Variants in COG5 observed in about 807,000 individuals in gnomAD.
COG5 encodes component of oligomeric golgi complex 5, also known as conserved oligomeric Golgi complex subunit 5.
Under a neutral mutation model 110.4 loss-of-function variants are expected in COG5, and 86 were observed. That is an observed-to-expected ratio of 0.78 (90% CI 0.65 to 0.93). COG5 has a LOEUF of 0.93. Ranked by LOEUF, COG5 falls within the 40% of genes least tolerant of loss-of-function variation. The pLI is 0.00. For missense variants in COG5, 1,077 were observed against 987.0 expected (o/e 1.09, Z -1.22); for synonymous variants, 360 against 334.6 (o/e 1.08, Z -0.83).
chr7:107,544,601 C>T (rs1021140044), intron 5 of COG5, among the ~76,000 whole-genome samples: 7 of 152,156 alleles, frequency 4.6e-5, no homozygotes, highest in Non-Finnish European at 8.8e-5. Flanking sequence ...AGTAAGCCTG[C>T]CCACAGACCA....
In COG5 at chr7:107,453,529, G is replaced by A. The variant is rs559103283; in HGVS notation, c.539-40897C>T. On this transcript the variant is annotated intron_variant, in intron 6 of 21. Transcript: ENST00000297135. ...CTATAAATTAAGAATCTTCTATAAC[G>A]AGGAAGAACAGTCAAAATCTAAATG... Among the ~76,000 whole-genome samples the A allele has an allele frequency of 2.6e-5, 4 of 152,216 alleles. No individual in the cohort carries two copies. In the East Asian group the frequency reaches 5.8e-4, roughly 22 times the overall value.
rs530323655 is a variant in COG5, at chr7:107,414,703, C to CTTTTTTTTTTT, written c.539-2082_539-2072dup. ...ATTGATTCCAAAATCCTCACTGTCC[C>CTTTTTTTTTTT]TTTTTTTTTTTTTTTTTTTTTTTTT... On this transcript the variant is annotated intron_variant, in intron 6 of 21. Transcript: ENST00000297135. Among the ~76,000 whole-genome samples, 29 of 61,714 alleles carry CTTTTTTTTTTT rather than the reference C, an allele frequency of 4.7e-4. 8 individuals are homozygous for CTTTTTTTTTTT. The highest frequency in any genetic ancestry group is 9.5e-4 in the Non-Finnish European group (25 of 26,226). 40.5% of individuals were successfully genotyped at this position (61,714 alleles called of 152,430 possible). A position where few individuals can be genotyped will look rare whatever the true frequency, so the allele number is the denominator to read the frequency against.
At chr7:107,315,977 A>G (rs1399277434) in intron 11 of COG5, among the ~76,000 whole-genome samples, 2 of 152,212 alleles carry the variant, frequency 1.3e-5, no homozygotes, top group Non-Finnish European at 2.9e-5. Flanking sequence ...CCCATAAGAT[A>G]AGAACTGAAA....
intron 6 of COG5, among the ~76,000 whole-genome samples, chr7:107,460,918 AATCTATT>A (rs548581393): frequency 7.0e-4 from 106 of 152,190 alleles, no homozygotes; most frequent in South Asian, 1.2e-3. Context: ...AGAAAATATG[AATCTATT>A]ATCTATTAAA....
At chr7:107,526,664 A>C (rs991789861) in intron 6 of COG5, among the ~76,000 whole-genome samples, 1 of 152,226 alleles carries the variant, frequency 6.6e-6, no homozygotes, top group Non-Finnish European at 1.5e-5. Flanking sequence ...GTGAATCAAT[A>C]AACAAACTGC....
At chr7:107,469,669 G>A (rs757505241) in intron 6 of COG5, among the ~76,000 whole-genome samples, 11 of 152,054 alleles carry the variant, frequency 7.2e-5, no homozygotes, top group Non-Finnish European at 1.6e-4. Flanking sequence ...GTAGAACAAA[G>A]AATCTCAATC....
At chr7:107,544,864 C>T (rs902974764) in intron 5 of COG5, among the ~76,000 whole-genome samples, 2 of 152,120 alleles carry the variant, frequency 1.3e-5, no homozygotes, top group Non-Finnish European at 2.9e-5. Flanking sequence ...AACTACAAGA[C>T]AATACAACTA....
At chr7:107,511,018 A>T (rs1799461729) in intron 6 of COG5, among the ~76,000 whole-genome samples, 1 of 151,548 alleles carries the variant, frequency 6.6e-6, no homozygotes, top group African/African-American at 2.4e-5. Flanking sequence ...TTCAAAAGCT[A>T]GCAGAAGGCA....
chr7:107,297,260 A>AT (rs1432435841), intron 12 of COG5, among the ~76,000 whole-genome samples: 4 of 152,110 alleles, frequency 2.6e-5, no homozygotes, highest in African/African-American at 7.2e-5. Flanking sequence ...ATCATTCTCT[A>AT]AGCAATATAG....
At chr7:107,527,802 T>G (rs975633555) in intron 5 of COG5, among the ~76,000 whole-genome samples, 2 of 152,214 alleles carry the variant, frequency 1.3e-5, no homozygotes, top group African/African-American at 4.8e-5. Flanking sequence ...AGGCCAGTGG[T>G]TCTCAGTCTT....
chr7:107,269,981 G>A (rs1372601936), intron 14 of COG5, among the ~76,000 whole-genome samples: 1 of 152,172 alleles, frequency 6.6e-6, no homozygotes. Flanking sequence ...ACGCTTATAA[G>A]CAAGAGGATC....
intron 10 of COG5, among the ~76,000 whole-genome samples, chr7:107,338,247 T>C (rs1490719560): frequency 1.3e-5 from 2 of 152,134 alleles, no homozygotes; most frequent in Admixed American, 6.6e-5. Flanking sequence ...CTTCAAAATA[T>C]ATTACAAAGC....
chr7:107,412,096 T>C (rs1792344985), intron 7 of COG5, among the ~76,000 whole-genome samples: 2 of 152,262 alleles, frequency 1.3e-5, no homozygotes, highest in South Asian at 4.1e-4. Context: ...TTACTAGCTA[T>C]GTGATTTTCA....
intron 6 of COG5, among the ~76,000 whole-genome samples, chr7:107,452,516 A>C (rs1795401060): frequency 1.3e-5 from 2 of 152,158 alleles, no homozygotes; most frequent in African/African-American, 2.4e-5. Context: ...TTCTCTTGAT[A>C]GTGAATAAGT....
intron 6 of COG5, among the ~76,000 whole-genome samples, chr7:107,414,588 T>C (rs890288951): frequency 1.3e-5 from 2 of 151,924 alleles, no homozygotes; most frequent in Non-Finnish European, 2.9e-5. Flanking sequence ...TTCTGGTTTA[T>C]TCTAGTTTAT....
At chr7:107,522,822 CT>C (rs1800434678) in intron 6 of COG5, among the ~76,000 whole-genome samples, 1 of 152,034 alleles carries the variant, frequency 6.6e-6, no homozygotes, top group Non-Finnish European at 1.5e-5. Context: ...TTTTTCTCTA[CT>C]AAATGTGTCA....
intron 17 of COG5, among the ~76,000 whole-genome samples, chr7:107,244,140 T>C (rs1801867428): frequency 6.6e-6 from 1 of 151,638 alleles, no homozygotes; most frequent in African/African-American, 2.4e-5. Flanking sequence ...TAATCCCAGC[T>C]ACTCAGGAGG....
At chr7:107,208,156 G>A in intron 21 of COG5, 2 of 985,446 alleles carry the variant, frequency 2.0e-6, no homozygotes, top group South Asian at 9.4e-5. Flanking sequence ...GGTGCAGCAG[G>A]AGTACAGTAC....
chr7:107,451,427 T>C (rs1479165875), intron 6 of COG5, among the ~76,000 whole-genome samples: 2 of 152,204 alleles, frequency 1.3e-5, no homozygotes, highest in Admixed American at 6.5e-5. Context: ...GACCCTTCCA[T>C]GTTACAGGCG....
Sources: gnomAD v4.1 joint callset for allele counts (sites outside exome capture counted in the v4.1 genomes callset) on GRCh38, gnomAD v4.1.1 for gene constraint, MANE v1.5 for transcripts, NCBI Gene and HGNC (gene_info 2026-07-23, HGNC 2026-07-21) for gene names.